Variants in ATP8A2 observed in about 807,000 individuals in gnomAD.
ATP8A2 encodes the protein phospholipid-transporting ATPase IB.
A neutral mutation model predicts 165.6 loss-of-function variants in ATP8A2; 100 were observed. The observed-to-expected ratio is 0.60, with a 90% CI of 0.51 to 0.71. The LOEUF (loss-of-function observed/expected upper bound fraction) is 0.71. Among genes scored for constraint, ATP8A2 ranks in the 30% least tolerant of loss-of-function variants. The pLI is 0.00. For synonymous variants in ATP8A2, 543 were observed against 548.8 expected (o/e 0.99, Z 0.15); for missense variants, 1,227 against 1,479.5 (o/e 0.83, Z 2.80).
rs139551225 is a variant in ATP8A2 at position 25,751,452 on chromosome 13, A to ATTT, written c.2385-17587_2385-17585dup. 6.8e-3 allele frequency among the ~76,000 whole-genome samples: 1,036 copies of ATTT among 151,502 alleles called. 16 individuals are homozygous for ATTT. Among genetic ancestry groups the ATTT allele is most frequent in the African/African-American group, 0.024 (994 of 41,306 alleles). On this transcript the variant is annotated intron_variant, in intron 25 of 36. Transcript: ENST00000381655. Reference sequence around the variant, plus strand: ...TATTATTTATTTATTTTATTTTATGATTTTTTTTTCTTTTAAGAGACAGGG... The same window carrying ATTT: ...TATTATTTATTTATTTTATTTTATGATTTTTTTTTTTTCTTTTAAGAGACAGGG...
intron 30 of ATP8A2, among the ~76,000 whole-genome samples, chr13:25,854,784 T>A (rs990661966): frequency 2.6e-5 from 4 of 152,234 alleles, no homozygotes; most frequent in African/African-American, 9.6e-5. Flanking sequence ...TTAAAATGAC[T>A]GAGGAACTGA....
At chr13:25,613,823 G>C (rs61947472) in intron 24 of ATP8A2, among the ~76,000 whole-genome samples, 31,100 of 151,982 alleles carry the variant, frequency 0.2, 3,415 homozygotes, top group Non-Finnish European at 0.24. Context: ...GTTGCTGAGA[G>C]ATTCCAGTGT....
Position 25,860,221 on chromosome 13 carries a change from A to G in ATP8A2, c.2983A>G (p.Thr995Ala), listed in dbSNP as rs1952303831. 6.2e-7 allele frequency: 1 copy of G among 1,612,320 alleles called. No individual in the cohort carries two copies. The highest frequency in any genetic ancestry group is 8.5e-7 in the Non-Finnish European group (1 of 1,178,764). Residue 995 changes from threonine to alanine, a missense_variant, in exon 31 of 37, where the codon ACC becomes GCC. Thr to Ala is a moderately conservative substitution (Grantham distance 58, BLOSUM62 0). Coordinates refer to ENST00000381655, the MANE Select transcript of ATP8A2 (RefSeq NM_016529.6). ...HDTVLTSGHA[T>A]DYLFVGNIVY... is the part of the protein sequence containing the mutation. Reference sequence around the variant, plus strand: ...TACTGTGTTGACAAGTGGTCATGCTACCGACTATTTATTTGTTGGAAATAT... The same window carrying G: ...TACTGTGTTGACAAGTGGTCATGCTGCCGACTATTTATTTGTTGGAAATAT...
At position 25,397,941 on chromosome 13, in the gene ATP8A2, A is replaced by G. The variant is rs9553608; in HGVS notation, c.76+25653A>G. On this transcript the variant is annotated intron_variant, in intron 1 of 36. Transcript: ENST00000381655. ...CACCTGAATTGTTGAAGGCAGCGGG[A>G]AGAAATGCATGGGTTAAGATAAGGG... Among the ~76,000 whole-genome samples the G allele has an allele frequency of 4.1e-3, 620 of 152,294 alleles. 16 individuals carry two copies. The East Asian group carries it at 0.086, about 21-fold the overall frequency.
chr13:25,545,330 C>T (rs1405446297), intron 10 of ATP8A2, among the ~76,000 whole-genome samples: 1 of 152,092 alleles, frequency 6.6e-6, no homozygotes, highest in Non-Finnish European at 1.5e-5. Flanking sequence ...TATCCATTCA[C>T]AAGGGCTGAC....
In ATP8A2 at chr13:25,554,881, A is replaced by G. The variant is rs2038934313; in HGVS notation, c.1186-110A>G. On this transcript the variant is annotated intron_variant, in intron 12 of 36. Transcript: ENST00000381655. ...AGCCAAAATCAGCATTTCTATTAAAATAAAAGGGTTTTAGATTACCCATTC... is the reference window on the plus strand; with the variant it reads ...AGCCAAAATCAGCATTTCTATTAAAGTAAAAGGGTTTTAGATTACCCATTC... 6.2e-5 allele frequency: 43 copies of G among 697,494 alleles called. No individual in the cohort carries two copies. The South Asian group carries it at 9.8e-4, about 16-fold the overall frequency. 43.2% of individuals were successfully genotyped at this position (697,494 alleles called of 1,614,324 possible).
chr13:25,973,355 T>C (rs2139224262), intron 35 of ATP8A2, among the ~76,000 whole-genome samples: 1 of 152,318 alleles, frequency 6.6e-6, no homozygotes, highest in East Asian at 1.9e-4. Context: ...GAGGGAAACC[T>C]GACTCTTGCT....
intron 24 of ATP8A2, among the ~76,000 whole-genome samples, chr13:25,612,345 T>C (rs887427055): frequency 6.6e-6 from 1 of 152,148 alleles, no homozygotes; most frequent in Non-Finnish European, 1.5e-5. Context: ...ACTGTTATTA[T>C]TCAGTTCAAA....
chr13:25,663,561 T>TC (rs139939148), intron 24 of ATP8A2, among the ~76,000 whole-genome samples: 5,241 of 152,288 alleles, frequency 0.034, 156 homozygotes, highest in East Asian at 0.13. Context: ...TATCCCATGA[T>TC]TGTAGAGTTG....
At chr13:25,971,458 G>A (rs558708220) in intron 35 of ATP8A2, among the ~76,000 whole-genome samples, 1 of 152,052 alleles carries the variant, frequency 6.6e-6, no homozygotes, top group African/African-American at 2.4e-5. Context: ...GGTCCTGAGT[G>A]TTTTTGTCTC....
intron 1 of ATP8A2, among the ~76,000 whole-genome samples, chr13:25,388,938 A>T (rs1438250803): frequency 2.0e-5 from 3 of 152,234 alleles, no homozygotes; most frequent in Non-Finnish European, 4.4e-5. Flanking sequence ...GCCAATGGGA[A>T]TCCAATGAAA....
At chr13:25,531,456 A>ATT (rs1186105751) in intron 4 of ATP8A2, among the ~76,000 whole-genome samples, 1 of 32,050 alleles carries the variant, frequency 3.1e-5, no homozygotes, top group Non-Finnish European at 8.0e-5. Context: ...TATATATATG[A>ATT]TTATATATAT....
chr13:25,712,927 T>C (rs1337182031), intron 25 of ATP8A2, among the ~76,000 whole-genome samples: 2 of 152,204 alleles, frequency 1.3e-5, no homozygotes, highest in Admixed American at 1.3e-4. Context: ...AAAGATAAGT[T>C]ATTTCATTTG....
intron 33 of ATP8A2, among the ~76,000 whole-genome samples, chr13:25,892,478 G>GTC (rs144283908): frequency 0.054 from 7,401 of 136,170 alleles, 315 homozygotes; most frequent in East Asian, 0.17. Flanking sequence ...CTGTCTCTCT[G>GTC]TCTCTCTCTC....
chr13:25,966,794 G>T (rs1386153111), intron 34 of ATP8A2, among the ~76,000 whole-genome samples: 1 of 152,234 alleles, frequency 6.6e-6, no homozygotes, highest in African/African-American at 2.4e-5. Flanking sequence ...GACCTAAGCT[G>T]TAGGTTCCCA....
chr13:25,666,689 C>T (rs2137724212), intron 24 of ATP8A2, among the ~76,000 whole-genome samples: 1 of 150,742 alleles, frequency 6.6e-6, no homozygotes, highest in Non-Finnish European at 1.5e-5. Flanking sequence ...ATGTTAAACT[C>T]TGAGTCTTTT....
rs553439198 is a variant in ATP8A2, at chr13:25,585,205, G to A, written c.2146+3248G>A. The stretch of plus-strand genomic sequence containing the variant: ...CCTGCAACACTGTGCTTGAATTTAT[G>A]CTAACTAGCTGTGTTTTGAGGAGTT... On this transcript the variant is annotated intron_variant, in intron 23 of 36. Coordinates refer to ENST00000381655, the MANE Select transcript of ATP8A2 (RefSeq NM_016529.6). Among the ~76,000 whole-genome samples, 5 of 152,300 alleles carry A rather than the reference G, an allele frequency of 3.3e-5. No homozygotes were observed. The South Asian group carries it at 1.0e-3, about 32-fold the overall frequency.
Position 25,570,890 on chromosome 13 carries a change from A to T in ATP8A2, c.1579+18A>T, listed in dbSNP as rs368701799. ...TTCCCCAGGTGAGGGCTCTGGCCGG[A>T]TGCGCCCTGCTGGCCCCTTCTCAGG... On this transcript the variant is annotated intron_variant, in intron 17 of 36. Transcript: ENST00000381655. 134 of 1,583,324 alleles carry T rather than the reference A, an allele frequency of 8.5e-5. No homozygotes were observed. The highest frequency in any genetic ancestry group is 1.1e-4 in the Non-Finnish European group (130 of 1,154,174).
chr13:25,558,950 A>C, intron 13 of ATP8A2, 23 bp from the exon 14 acceptor site: 7 of 1,493,708 alleles, frequency 4.7e-6, no homozygotes, highest in Non-Finnish European at 5.6e-6. Context: ...CCTGATGTAT[A>C]TTTCTTTTAT....
Sources: allele counts gnomAD v4.1 joint callset (sites outside exome capture counted in the v4.1 genomes callset), GRCh38; gene constraint gnomAD v4.1.1; transcripts MANE v1.5; gene names NCBI Gene and HGNC (gene_info 2026-07-23, HGNC 2026-07-21).